Variants in RC3H1 observed in about 807,000 individuals in gnomAD.
The protein encoded by RC3H1 is ring finger and CCCH-type domains 1.
A neutral mutation model predicts 138.2 loss-of-function variants in RC3H1; 50 were observed. The observed-to-expected ratio is 0.36, with a 90% CI of 0.29 to 0.46. The LOEUF is 0.46. Ranked by LOEUF, RC3H1 falls within the 20% of genes least tolerant of loss-of-function variation. RC3H1 has a pLI of 1.00. For synonymous variants in RC3H1, 462 were observed against 489.1 expected, an observed-to-expected ratio of 0.94 and a Z score of 0.73; for missense variants, 1,031 against 1,388.1, an observed-to-expected ratio of 0.74 and a Z score of 4.09.
chr1:173,943,656 T>C, intron 17 of RC3H1, 41 bp from the exon 18 acceptor site: 1 of 1,573,480 alleles, frequency 6.4e-7, no homozygotes, highest in Non-Finnish European at 8.6e-7. Context: ...TCAACACACT[T>C]CACACCATGC....
chr1:173,997,336 A>T (rs1661481165), intron 1 of RC3H1, among the ~76,000 whole-genome samples: 1 of 152,198 alleles, frequency 6.6e-6, no homozygotes, highest in African/African-American at 2.4e-5. Flanking sequence ...AGTAACACAA[A>T]GCTAGAGTAC....
chr1:173,956,552 G>A (rs1292425657), intron 13 of RC3H1, among the ~76,000 whole-genome samples: 2 of 151,328 alleles, frequency 1.3e-5, no homozygotes, highest in African/African-American at 4.9e-5. Flanking sequence ...CCAGCTCCTC[G>A]GGTGGCTGAG....
Position 173,994,244 on chromosome 1 carries a change from T to C in RC3H1, c.-150-1109A>G, listed in dbSNP as rs755700973. The stretch of plus-strand genomic sequence containing the variant: ...CCGTCTCTACCAAAAATATAAAAAA[T>C]TAGCCAGGTGTGGTGGTGCATGGCT... On this transcript the variant is annotated intron_variant, in intron 1 of 19. Coordinates refer to ENST00000367696, the MANE Select transcript of RC3H1 (RefSeq NM_172071.4). Among the ~76,000 whole-genome samples, 10 of 151,836 alleles carry C rather than the reference T, an allele frequency of 6.6e-5. No individual in the cohort carries two copies. In the South Asian group the frequency reaches 1.7e-3, roughly 25 times the overall value.
At chr1:173,981,133 C>T (rs759668447) in intron 5 of RC3H1, 124 bp from the exon 6 acceptor site, 2 of 749,648 alleles carry the variant, frequency 2.7e-6, no homozygotes, top group Non-Finnish European at 4.2e-6. Context: ...ATACCATTTG[C>T]CTGCAAAATA....
intron 7 of RC3H1, among the ~76,000 whole-genome samples, chr1:173,973,143 C>T (rs771031247): frequency 3.3e-5 from 5 of 152,156 alleles, no homozygotes; most frequent in Non-Finnish European, 7.4e-5. Flanking sequence ...CAGACCAACA[C>T]TGTGTGGATT....
intron 6 of RC3H1, among the ~76,000 whole-genome samples, chr1:173,979,655 C>T (rs1368231049): frequency 6.6e-6 from 1 of 151,628 alleles, no homozygotes; most frequent in Admixed American, 6.6e-5. Context: ...GACTCTGTCT[C>T]AAACAAACAA....
intron 1 of RC3H1, among the ~76,000 whole-genome samples, chr1:174,018,617 CA>C (rs1661904529): frequency 6.6e-6 from 1 of 152,158 alleles, no homozygotes; most frequent in African/African-American, 2.4e-5. Flanking sequence ...CAGAATTACA[CA>C]AAAGAAAAAA....
chr1:173,967,808 A>G (rs965940901), intron 9 of RC3H1, among the ~76,000 whole-genome samples: 7 of 152,180 alleles, frequency 4.6e-5, no homozygotes, highest in African/African-American at 1.4e-4. Context: ...AAATTTATCA[A>G]TCTTTTCCTT....
At chr1:173,941,119 G>A (rs1014951818) in intron 19 of RC3H1, 146 bp downstream of exon 19, 9 of 615,484 alleles carry the variant, frequency 1.5e-5, no homozygotes, top group South Asian at 4.2e-5. Context: ...GCGCCCGGCC[G>A]CAAAAATATT....
chr1:173,970,117 G>A (rs1660292251), intron 9 of RC3H1, among the ~76,000 whole-genome samples: 1 of 152,078 alleles, frequency 6.6e-6, no homozygotes, highest in Non-Finnish European at 1.5e-5. Flanking sequence ...CTTGGATTTT[G>A]GAATATTTGC....
At chr1:173,976,837 G>A (rs991683946) in intron 7 of RC3H1, among the ~76,000 whole-genome samples, 1 of 152,000 alleles carries the variant, frequency 6.6e-6, no homozygotes, top group Non-Finnish European at 1.5e-5. Flanking sequence ...GAATGCCATA[G>A]TCAAGAGTGT....
chr1:173,974,323 A>G (rs1480925726), intron 7 of RC3H1, among the ~76,000 whole-genome samples: 1 of 151,686 alleles, frequency 6.6e-6, no homozygotes, highest in African/African-American at 2.4e-5. Flanking sequence ...CAGAGGCCAG[A>G]AAAGTCCTCC....
At chr1:173,985,235 T>G (rs1660977868) in intron 2 of RC3H1, among the ~76,000 whole-genome samples, 1 of 152,182 alleles carries the variant, frequency 6.6e-6, no homozygotes, top group Non-Finnish European at 1.5e-5. Context: ...TTGTTTCTAT[T>G]TTTGACTACT....
At chr1:174,020,652 G>A (rs1488492886) in intron 1 of RC3H1, among the ~76,000 whole-genome samples, 1 of 152,140 alleles carries the variant, frequency 6.6e-6, no homozygotes, top group Non-Finnish European at 1.5e-5. Flanking sequence ...TAGGTAGAAA[G>A]TACTTTAGAA....
intron 11 of RC3H1, 26 bp from the exon 12 acceptor site, chr1:173,962,121 A>T: frequency 6.4e-7 from 1 of 1,554,210 alleles, no homozygotes; most frequent in East Asian, 2.3e-5. Context: ...GAGGACCCAA[A>T]AGCAAATAAT....
At chr1:173,984,433 G>C in intron 3 of RC3H1, 66 bp downstream of exon 3, 2 of 1,477,710 alleles carry the variant, frequency 1.4e-6, no homozygotes, top group Non-Finnish European at 1.8e-6. Context: ...GACTTATATA[G>C]GATTATGTAC....
At position 173,972,559 on chromosome 1, in the gene RC3H1, G is replaced by A; in HGVS notation, c.1171C>T (p.Leu391=). The change falls in exon 8 of 20, where the codon CTG becomes TTG. Residue 391 remains leucine (L), a synonymous_variant. Transcript: ENST00000367696. ...CTGTGGTTCTGGATATAATCAACCA[G>A]CCCATGTACCACTGTACGCACAGCA... ...LVAVRTVVHG[L]VDYIQNHSKK... is the part of the protein sequence containing the mutation. The A allele has an allele frequency of 6.2e-7, 1 of 1,614,062 alleles. No homozygotes were observed. Among genetic ancestry groups the A allele is most frequent in the Non-Finnish European group, 8.5e-7 (1 of 1,179,976 alleles).
intron 17 of RC3H1, among the ~76,000 whole-genome samples, chr1:173,946,125 C>A (rs1044447826): frequency 2.0e-5 from 3 of 151,716 alleles, no homozygotes; most frequent in African/African-American, 7.3e-5. Flanking sequence ...GTTGAGATCA[C>A]GCCACCTCAC....
chr1:173,974,960 G>A lies in RC3H1; in HGVS notation c.1103-2333C>T, dbSNP rs78935219. Among the ~76,000 whole-genome samples the A allele has an allele frequency of 5.8e-4, 88 of 152,306 alleles. 1 individual carries two copies. The East Asian group carries it at 0.012, about 20-fold the overall frequency. ...TGCTAATGGATCAGATATACATTAT[G>A]AGAGAAAGAAGAGGTTTTTGGACTA... On this transcript the variant is annotated intron_variant, in intron 7 of 19. Transcript: ENST00000367696.
Sources: allele counts gnomAD v4.1 joint callset (sites outside exome capture counted in the v4.1 genomes callset), GRCh38; gene constraint gnomAD v4.1.1; transcripts MANE v1.5; gene names NCBI Gene and HGNC (gene_info 2026-07-23, HGNC 2026-07-21).